The following ADGRL2 variants were observed in gnomAD, a reference collection of about 807,000 sequenced individuals.
The protein encoded by ADGRL2 is calcium-independent alpha-latrotoxin receptor 2.
ADGRL2 carries 44 observed loss-of-function variants against 157.4 expected under a neutral mutation model. That is an observed-to-expected ratio of 0.28 (90% CI 0.22 to 0.36). The LOEUF is 0.36. ADGRL2 is among the 10% of genes least tolerant of loss of function. The pLI is 1.00. For missense variants in ADGRL2, 1,510 were observed against 1,768.9 expected, an observed-to-expected ratio of 0.85 and a Z score of 2.63; for synonymous variants, 585 against 624.7, an observed-to-expected ratio of 0.94 and a Z score of 0.95.
At chr1:81,934,365 T>C (rs1032907036) in intron 3 of ADGRL2, among the ~76,000 whole-genome samples, 4 of 152,026 alleles carry the variant, frequency 2.6e-5, no homozygotes, top group Non-Finnish European at 5.9e-5. Flanking sequence ...GAACATACCA[T>C]GACATTGAGA....
intron 3 of ADGRL2, among the ~76,000 whole-genome samples, chr1:81,644,468 G>A (rs574850036): frequency 8.5e-5 from 13 of 152,156 alleles, no homozygotes; most frequent in Non-Finnish European, 1.9e-4. Context: ...TGTGAAAGAT[G>A]TATCAGATAA....
At chr1:81,585,375 A>G (rs756523705) in intron 3 of ADGRL2, among the ~76,000 whole-genome samples, 6 of 152,114 alleles carry the variant, frequency 3.9e-5, no homozygotes, top group Admixed American at 6.6e-5. Flanking sequence ...TCTTGTTGTC[A>G]TATTCATTCT....
intron 1 of ADGRL2, among the ~76,000 whole-genome samples, chr1:81,836,237 G>T (rs2092274063): frequency 6.6e-6 from 1 of 152,014 alleles, no homozygotes; most frequent in Admixed American, 6.6e-5. Context: ...AAAACTTGGT[G>T]TAAGAGTATT....
At chr1:81,864,892 A>G (rs2093492064) in intron 2 of ADGRL2, among the ~76,000 whole-genome samples, 1 of 152,172 alleles carries the variant, frequency 6.6e-6, no homozygotes, top group African/African-American at 2.4e-5. Flanking sequence ...AGGCTGAGGC[A>G]GGAGAATCCC....
intron 3 of ADGRL2, among the ~76,000 whole-genome samples, chr1:81,918,881 T>C (rs1165252532): frequency 6.6e-6 from 1 of 152,212 alleles, no homozygotes; most frequent in Non-Finnish European, 1.5e-5. Flanking sequence ...AATTTATTTC[T>C]TGTGATTTCT....
chr1:81,833,683 G>A (rs751766461), intron 1 of ADGRL2, among the ~76,000 whole-genome samples: 3 of 152,098 alleles, frequency 2.0e-5, no homozygotes, highest in African/African-American at 4.8e-5. Flanking sequence ...GTAATTTTGC[G>A]GACAGTTTTA....
At chr1:81,455,163 G>T (rs933677994) in intron 2 of ADGRL2, among the ~76,000 whole-genome samples, 1 of 152,150 alleles carries the variant, frequency 6.6e-6, no homozygotes, top group Non-Finnish European at 1.5e-5. Flanking sequence ...ACTTTGACTC[G>T]TTTTATTCTT....
At chr1:81,957,681 C>T (rs1398953122) in intron 11 of ADGRL2, among the ~76,000 whole-genome samples, 1 of 151,702 alleles carries the variant, frequency 6.6e-6, no homozygotes, top group Non-Finnish European at 1.5e-5. Flanking sequence ...TGCACTCCAC[C>T]CTGGATGATA....
chr1:81,543,743 A>G (rs887047803), intron 2 of ADGRL2, among the ~76,000 whole-genome samples: 5 of 152,230 alleles, frequency 3.3e-5, no homozygotes, highest in Admixed American at 2.0e-4. Context: ...ACCCTACGAT[A>G]GTTTCCCATT....
intron 3 of ADGRL2, among the ~76,000 whole-genome samples, chr1:81,649,237 A>G (rs1204183320): frequency 6.6e-6 from 1 of 152,124 alleles, no homozygotes; most frequent in Non-Finnish European, 1.5e-5. Context: ...CACCTCTTCT[A>G]GACCTACCCT....
rs1284020808 is a variant in ADGRL2, at chr1:81,552,387, C to G, written c.-247-28489C>G. Among the ~76,000 whole-genome samples, 5 of 152,184 alleles carry G rather than the reference C, an allele frequency of 3.3e-5. No individual in the cohort carries two copies. In the East Asian group the frequency reaches 9.7e-4, roughly 29 times the overall value. On this transcript the variant is annotated intron_variant, in intron 2 of 24. Coordinates refer to the ADGRL2 transcript ENST00000370721. ...GAGCACAGTTAGACCTGGATGACCT[C>G]TCTTTCTTGCTCTATAAAGGTTTCT...
intron 2 of ADGRL2, among the ~76,000 whole-genome samples, chr1:81,872,545 G>C (rs1347522052): frequency 3.9e-5 from 6 of 152,048 alleles, no homozygotes; most frequent in Non-Finnish European, 8.8e-5. Flanking sequence ...ATTGTCACTA[G>C]ACAAATTAGT....
chr1:81,310,123 C>G (rs1354414777), intron 1 of ADGRL2, among the ~76,000 whole-genome samples: 1 of 152,050 alleles, frequency 6.6e-6, no homozygotes, highest in African/African-American at 2.4e-5. Context: ...ATTAGAAAAG[C>G]AGATAAAGAA....
rs71592742 is a variant in ADGRL2 at position 81,828,907 on chromosome 1, A to ATT, written c.-100-7968_-100-7967dup. Among the ~76,000 whole-genome samples, 55 of 144,852 alleles carry ATT rather than the reference A, an allele frequency of 3.8e-4. No homozygotes were observed. In the East Asian group the frequency reaches 8.7e-3, roughly 23 times the overall value. ...TACCGTCTCATCTAAATCTCCTCAT[A>ATT]TTTTTTTTTTTCATTTTTTTTGGGA... On this transcript the variant is annotated intron_variant, in intron 1 of 23. Coordinates refer to ENST00000686636, the MANE Select transcript of ADGRL2 (RefSeq NM_001366006.2).
In ADGRL2 at chr1:81,475,503, A is replaced by G. The variant is rs193172663; in HGVS notation, c.-248+30414A>G. On this transcript the variant is annotated intron_variant, in intron 2 of 24. Coordinates refer to the ADGRL2 transcript ENST00000370721. ...ATTTTAGAATAATTTGTGAAAAAGA[A>G]TTAGGAATACCTATTTTACTATGTT... is the stretch of plus-strand genomic sequence containing the variant. Among the ~76,000 whole-genome samples, 17 of 152,324 alleles carry G rather than the reference A, an allele frequency of 1.1e-4. No individual in the cohort carries two copies. In the East Asian group the frequency reaches 3.1e-3, roughly 28 times the overall value.
intron 3 of ADGRL2, among the ~76,000 whole-genome samples, chr1:81,691,150 G>A (rs1473336057): frequency 6.6e-6 from 1 of 152,214 alleles, no homozygotes; most frequent in African/African-American, 2.4e-5. Context: ...AGAGGTCACT[G>A]TTTGGCAGGA....
chr1:81,332,982 C>T (rs1039491468), intron 1 of ADGRL2, among the ~76,000 whole-genome samples: 23 of 152,054 alleles, frequency 1.5e-4, no homozygotes, highest in Admixed American at 3.9e-4. Flanking sequence ...GGAAGTTCAG[C>T]GACCTGGGAA....
intron 1 of ADGRL2, among the ~76,000 whole-genome samples, chr1:81,353,004 G>A (rs570900067): frequency 2.0e-5 from 3 of 152,224 alleles, no homozygotes; most frequent in East Asian, 1.9e-4. Context: ...GGGTGAAAAA[G>A]CGTTGGAGGT....
At chr1:81,633,710 G>C (rs975304394) in intron 3 of ADGRL2, among the ~76,000 whole-genome samples, 3 of 151,360 alleles carry the variant, frequency 2.0e-5, no homozygotes, top group African/African-American at 7.3e-5. Context: ...TCAAAACTGA[G>C]TTGCCATCTT....
Sources: gnomAD v4.1 joint callset for allele counts (sites outside exome capture counted in the v4.1 genomes callset) on GRCh38, gnomAD v4.1.1 for gene constraint, MANE v1.5 for transcripts, NCBI Gene and HGNC (gene_info 2026-07-23, HGNC 2026-07-21) for gene names.